PYCARD: variants seen among roughly 807,000 people sequenced by gnomAD.
PYCARD encodes apoptosis-associated speck-like protein containing a CARD.
PYCARD carries 10 observed loss-of-function variants against 10.0 expected under a neutral mutation model. The observed-to-expected ratio is 1.00, with a 90% confidence interval of 0.62 to 1.69. PYCARD has a LOEUF of 1.69. PYCARD is among the 40% of genes most tolerant of loss of function. PYCARD has a pLI of 0.00. For missense variants in PYCARD, 239 were observed against 260.2 expected, an observed-to-expected ratio of 0.92 and a Z score of 0.56; for synonymous variants, 121 against 122.3, an observed-to-expected ratio of 0.99 and a Z score of 0.07.
Position 31,202,218 on chromosome 16 carries a change from G to C in PYCARD, c.275-15C>G. The C allele has an allele frequency of 6.2e-7, 1 of 1,602,022 alleles. No individual in the cohort carries two copies. The stretch of plus-strand genomic sequence containing the variant: ...GGCTCCAGAGCCTGGAAGGATATGG[G>C]CCAAGTGATCCCCTTCCCTTCCCTT... On this transcript the variant is annotated splice_polypyrimidine_tract_variant and intron_variant, in intron 1 of 2. Coordinates refer to ENST00000247470, the MANE Select transcript of PYCARD (RefSeq NM_013258.5). The surrounding 1 kb of genome is among the most constrained non-coding windows in gnomAD (Gnocchi z 4.5).
rs978878743 is a variant in PYCARD, at chr16:31,202,362, G to T, written c.274+55C>A. ...GAAAGCGGAAGAGCCCGCGGGGTAA[G>T]CGCTGGTGTGGGTGGAGGGGAAAGA... is the stretch of plus-strand genomic sequence containing the variant. On this transcript the variant is annotated intron_variant, in intron 1 of 2. Transcript: ENST00000247470. The surrounding 1 kb of genome is among the most constrained non-coding windows in gnomAD (Gnocchi z 4.5). The T allele has an allele frequency of 7.8e-6, 12 of 1,530,276 alleles. No individual in the cohort carries two copies. The Admixed American group carries it at 1.4e-4, about 18-fold the overall frequency. The allele number at this position is 1,530,276 out of a possible 1,614,324, so 94.8% of individuals were successfully genotyped here.
rs752560869 is a variant in PYCARD at position 31,201,648 on chromosome 16, G to C, written c.525C>G (p.Asp175Glu). 4 of 1,614,112 alleles carry C rather than the reference G, an allele frequency of 2.5e-6. No homozygotes were observed. The East Asian group carries it at 6.7e-5, about 27-fold the overall frequency. Reference sequence around the variant, plus strand: ...ACTCCCTTAGGGCCTGGAGGAGCAAGTCCTTGCAGGTCCAGTTCCAGGCTG... The same window carrying C: ...ACTCCCTTAGGGCCTGGAGGAGCAACTCCTTGCAGGTCCAGTTCCAGGCTG... ...FTPAWNWTCK[D>E]LLLQALRESQ... The change falls in exon 3 of 3, where the codon GAC becomes GAG. Residue 175 changes from aspartate (D) to glutamate (E), a missense_variant. By Grantham distance (45) the Asp-to-Glu change is conservative (BLOSUM62 2). Transcript: ENST00000247470.
chr16:31,202,679 C>A lies in PYCARD; in HGVS notation c.12G>T (p.Ala4=). The part of the protein sequence containing the change: MGR[A]RDAILDALEN... ...CCAGCGCATCCAGGATGGCGTCGCG[C>A]GCGCGCCCCATGGCTCCAGGATCCC... Residue 4 remains alanine, a synonymous_variant, in exon 1 of 3, where the codon GCG becomes GCT. Coordinates refer to ENST00000247470, the MANE Select transcript of PYCARD (RefSeq NM_013258.5). This position sits in a 1 kb window ranked among gnomAD's most constrained non-coding sequence, Gnocchi z 4.5. The A allele has an allele frequency of 6.3e-7, 1 of 1,582,564 alleles. No homozygotes were observed. Among genetic ancestry groups the A allele is most frequent in the Non-Finnish European group, 8.6e-7 (1 of 1,162,614 alleles).
rs1345817229 is a variant in PYCARD at position 31,201,818 on chromosome 16, G to A, written c.355C>T (p.Arg119Trp). ...GTGACCCTCGCGATAAGCGCAGCCC[G>A]GTGCTGGTCTATAAAGTGCAGGCCT... Reference protein sequence around the residue: ...KPGLHFIDQHRAALIARVTNV... With the variant: ...KPGLHFIDQHWAALIARVTNV... Residue 119 changes from arginine to tryptophan, a missense_variant, in exon 3 of 3, where the codon CGG becomes TGG. Physicochemically the swap from Arg to Trp is moderately radical, Grantham distance 101. Coordinates refer to ENST00000247470, the MANE Select transcript of PYCARD (RefSeq NM_013258.5). 6 of 1,614,040 alleles carry A rather than the reference G, an allele frequency of 3.7e-6. No individual in the cohort carries two copies. The highest frequency in any genetic ancestry group is 1.3e-5 in the African/African-American group (1 of 74,942).
chr16:31,201,814 G>C lies in PYCARD; in HGVS notation c.359C>G (p.Ala120Gly). 1 of 1,614,182 alleles carries C rather than the reference G, an allele frequency of 6.2e-7. No individual in the cohort carries two copies. The highest frequency in any genetic ancestry group is 8.5e-7 in the Non-Finnish European group (1 of 1,180,044). The change falls in exon 3 of 3, where the codon GCT becomes GGT. Residue 120 changes from alanine to glycine, a missense_variant. By Grantham distance (60) the Ala-to-Gly change is moderately conservative. Transcript: ENST00000247470. ...PGLHFIDQHRAALIARVTNVE... is the reference protein window; with the variant it reads ...PGLHFIDQHRGALIARVTNVE... Reference sequence around the variant, plus strand: ...GTTTGTGACCCTCGCGATAAGCGCAGCCCGGTGCTGGTCTATAAAGTGCAG... The same window carrying C: ...GTTTGTGACCCTCGCGATAAGCGCACCCCGGTGCTGGTCTATAAAGTGCAG...
rs780625076 is a variant in PYCARD at position 31,201,841 on chromosome 16, C to T, written c.332G>A (p.Gly111Asp). ...CCGGTGCTGGTCTATAAAGTGCAGG[C>T]CTGGGGGTGGGAGGAGAACATGAGC... is the stretch of plus-strand genomic sequence containing the variant. ...QAPPQSAAKPGLHFIDQHRAA... is the reference protein window; with the variant it reads ...QAPPQSAAKPDLHFIDQHRAA... Residue 111 changes from glycine (G) to aspartate (D), a missense_variant and splice_region_variant, in exon 3 of 3, where the codon GGC becomes GAC. Gly to Asp is a moderately conservative substitution (Grantham distance 94). Coordinates refer to ENST00000247470, the MANE Select transcript of PYCARD (RefSeq NM_013258.5). The T allele has an allele frequency of 1.4e-5, 22 of 1,613,390 alleles. No individual in the cohort carries two copies. Among genetic ancestry groups the T allele is most frequent in the Middle Eastern group, 1.6e-4 (1 of 6,064 alleles).
chr16:31,202,204 C>A lies in PYCARD; in HGVS notation c.275-1G>T. On this transcript the variant is annotated splice_acceptor_variant, in intron 1 of 2. Transcript: ENST00000247470. LOFTEE classifies it high-confidence loss of function. The surrounding 1 kb of genome is among the most constrained non-coding windows in gnomAD (Gnocchi z 4.5). ...ATCCCAGCTGGCGCGGCTCCAGAGC[C>A]TGGAAGGATATGGGCCAAGTGATCC... 2 of 1,603,754 alleles carry A rather than the reference C, an allele frequency of 1.2e-6. No homozygotes were observed. Among genetic ancestry groups the A allele is most frequent in the Non-Finnish European group, 1.7e-6 (2 of 1,179,782 alleles).
intron 2 of PYCARD, 63 bp from the exon 3 acceptor site, chr16:31,201,904 G>A: frequency 1.9e-6 from 3 of 1,592,948 alleles, no homozygotes; most frequent in South Asian, 2.2e-5. Flanking sequence ...TGCTGAACTT[G>A]AGTTCTTCAG....
chr16:31,202,490 C>T lies in PYCARD; in HGVS notation c.201G>A (p.Glu67=). The T allele has an allele frequency of 6.3e-7, 1 of 1,597,520 alleles. No homozygotes were observed. Among genetic ancestry groups the T allele is most frequent in the Non-Finnish European group, 8.5e-7 (1 of 1,173,094 alleles). The change falls in exon 1 of 3, where the codon GAG becomes GAA. Residue 67 remains glutamate (E), a synonymous_variant. Coordinates refer to ENST00000247470, the MANE Select transcript of PYCARD (RefSeq NM_013258.5). This position sits in a 1 kb window ranked among gnomAD's most constrained non-coding sequence, Gnocchi z 4.5. ...VSFYLETYGA[E]LTANVLRDMG... Reference sequence around the variant, plus strand: ...TGTCGCGCAGCACGTTAGCGGTGAGCTCGGCGCCGTAGGTCTCCAGGTAGA... The same window carrying T: ...TGTCGCGCAGCACGTTAGCGGTGAGTTCGGCGCCGTAGGTCTCCAGGTAGA...
Position 31,202,607 on chromosome 16 carries a change from C to T in PYCARD, c.84G>A (p.Leu28=), listed in dbSNP as rs2079452559. 1 of 1,612,862 alleles carries T rather than the reference C, an allele frequency of 6.2e-7. No individual in the cohort carries two copies. The highest frequency in any genetic ancestry group is 8.5e-7 in the Non-Finnish European group (1 of 1,179,656). Residue 28 remains leucine (L), a synonymous_variant, in exon 1 of 3, where the codon CTG becomes CTA. Transcript: ENST00000247470. The surrounding 1 kb of genome is among the most constrained non-coding windows in gnomAD (Gnocchi z 4.5). ...EELKKFKLKL[L]SVPLREGYGR... ...CGTAGCCCTCGCGCAGCGGCACCGA[C>T]AGCAGCTTCAGCTTGAACTTCTTGA...
Position 31,202,389 on chromosome 16 carries a change from G to A in PYCARD, c.274+28C>T. The A allele has an allele frequency of 3.3e-6, 5 of 1,525,568 alleles. No homozygotes were observed. The highest frequency in any genetic ancestry group is 3.5e-6 in the Non-Finnish European group (4 of 1,137,566). 94.5% of individuals were successfully genotyped at this position (1,525,568 alleles called of 1,614,324 possible). On this transcript the variant is annotated intron_variant, in intron 1 of 2. Coordinates refer to ENST00000247470, the MANE Select transcript of PYCARD (RefSeq NM_013258.5). The surrounding 1 kb of genome is among the most constrained non-coding windows in gnomAD (Gnocchi z 4.5). ...GCTGGTGTGGGTGGAGGGGAAAGAC[G>A]GGGTGGAGGGGAACGGGGGCGGCTC...
Position 31,202,508 on chromosome 16 carries a change from C to T in PYCARD, c.183G>A (p.Leu61=), listed in dbSNP as rs764567399. The T allele has an allele frequency of 9.3e-6, 15 of 1,608,538 alleles. No individual in the cohort carries two copies. Among genetic ancestry groups the T allele is most frequent in the Middle Eastern group, 1.6e-4 (1 of 6,080 alleles). ...CGGTGAGCTCGGCGCCGTAGGTCTCCAGGTAGAAGCTGACCAGCTTGTCGG... is the reference window on the plus strand; with the variant it reads ...CGGTGAGCTCGGCGCCGTAGGTCTCTAGGTAGAAGCTGACCAGCTTGTCGG... ...DLTDKLVSFY[L]ETYGAELTAN... The change falls in exon 1 of 3, where the codon CTG becomes CTA. Residue 61 remains leucine, a synonymous_variant. Transcript: ENST00000247470. The surrounding 1 kb of genome is among the most constrained non-coding windows in gnomAD (Gnocchi z 4.5).
chr16:31,202,048 A>C lies in PYCARD; in HGVS notation c.331+99T>G, dbSNP rs2079446846. On this transcript the variant is annotated intron_variant, in intron 2 of 2. Transcript: ENST00000247470. This position sits in a 1 kb window ranked among gnomAD's most constrained non-coding sequence, Gnocchi z 4.5. ...GGTGGGTGGGGTGCGCAGGGTTGCC[A>C]AGCCGTGCCTGCCCTGCCCTGCCCT... 2.7e-6 allele frequency: 4 copies of C among 1,497,486 alleles called. No individual in the cohort carries two copies. In the East Asian group the frequency reaches 9.7e-5, roughly 36 times the overall value. 92.8% of individuals were successfully genotyped at this position (1,497,486 alleles called of 1,614,324 possible).
chr16:31,201,842 C>CT lies in PYCARD; in HGVS notation c.332-2dup. The CT allele has an allele frequency of 1.2e-6, 2 of 1,613,472 alleles. No homozygotes were observed. Among genetic ancestry groups the CT allele is most frequent in the Non-Finnish European group, 1.7e-6 (2 of 1,179,702 alleles). On this transcript the variant is annotated splice_acceptor_variant, in intron 2 of 2. Coordinates refer to ENST00000247470, the MANE Select transcript of PYCARD (RefSeq NM_013258.5). LOFTEE classifies it high-confidence loss of function. ...CGGTGCTGGTCTATAAAGTGCAGGC[C>CT]TGGGGGTGGGAGGAGAACATGAGCC...
chr16:31,202,254 G>A lies in PYCARD; in HGVS notation c.275-51C>T, dbSNP rs1567488153. The A allele has an allele frequency of 6.3e-7, 1 of 1,589,694 alleles. No individual in the cohort carries two copies. The highest frequency in any genetic ancestry group is 8.5e-7 in the Non-Finnish European group (1 of 1,174,958). Reference sequence around the variant, plus strand: ...CCCTTCCCTTCCCTTCCCGCCGTGGGGCCGGGGTCCCGTTGGTCGGTAGGC... The same window carrying A: ...CCCTTCCCTTCCCTTCCCGCCGTGGAGCCGGGGTCCCGTTGGTCGGTAGGC... On this transcript the variant is annotated intron_variant, in intron 1 of 2. Coordinates refer to ENST00000247470, the MANE Select transcript of PYCARD (RefSeq NM_013258.5). This position sits in a 1 kb window ranked among gnomAD's most constrained non-coding sequence, Gnocchi z 4.5.
intron 2 of PYCARD, 44 bp from the exon 3 acceptor site, chr16:31,201,885 G>A: frequency 6.2e-7 from 1 of 1,604,014 alleles, no homozygotes; most frequent in Non-Finnish European, 8.5e-7. Context: ...AGGGTGTGGG[G>A]CCTGTCCCTG....
Position 31,202,019 on chromosome 16 carries a change from G to T in PYCARD, c.331+128C>A. ...TGTCTCCCTTCCCCCGCAGGGTGTG[G>T]GTTGGTGGGTGGGGTGCGCAGGGTT... is the stretch of plus-strand genomic sequence containing the variant. On this transcript the variant is annotated intron_variant, in intron 2 of 2. Transcript: ENST00000247470. The surrounding 1 kb of genome is among the most constrained non-coding windows in gnomAD (Gnocchi z 4.5). 1 of 1,457,766 alleles carries T rather than the reference G, an allele frequency of 6.9e-7. No homozygotes were observed. The highest frequency in any genetic ancestry group is 9.2e-7 in the Non-Finnish European group (1 of 1,092,500). 90.3% of individuals were successfully genotyped at this position (1,457,766 alleles called of 1,614,324 possible). A position where few individuals can be genotyped will look rare whatever the true frequency, so the allele number is the denominator to read the frequency against.
chr16:31,202,192 C>T lies in PYCARD; in HGVS notation c.286G>A (p.Ala96Thr), dbSNP rs778061538. Residue 96 changes from alanine to threonine, a missense_variant, in exon 2 of 3, where the codon GCG becomes ACG. Transcript: ENST00000247470. This position sits in a 1 kb window ranked among gnomAD's most constrained non-coding sequence, Gnocchi z 4.5. ...GGAGGGGCCTGGATCCCAGCTGGCGCGGCTCCAGAGCCTGGAAGGATATGG... is the reference window on the plus strand; with the variant it reads ...GGAGGGGCCTGGATCCCAGCTGGCGTGGCTCCAGAGCCTGGAAGGATATGG... ...QAATHQGSGA[A>T]PAGIQAPPQS... The T allele has an allele frequency of 6.2e-7, 1 of 1,604,990 alleles. No individual in the cohort carries two copies. The highest frequency in any genetic ancestry group is 8.5e-7 in the Non-Finnish European group (1 of 1,179,780).
At position 31,202,334 on chromosome 16, in the gene PYCARD, A is replaced by G; in HGVS notation, c.274+83T>C. 4.6e-6 allele frequency: 7 copies of G among 1,533,438 alleles called. No homozygotes were observed. Among genetic ancestry groups the G allele is most frequent in the Non-Finnish European group, 6.1e-6 (7 of 1,143,630 alleles). 95.0% of individuals were successfully genotyped at this position (1,533,438 alleles called of 1,614,324 possible). On this transcript the variant is annotated intron_variant, in intron 1 of 2. Transcript: ENST00000247470. This position sits in a 1 kb window ranked among gnomAD's most constrained non-coding sequence, Gnocchi z 4.5. Reference sequence around the variant, plus strand: ...GCAGCTTTGTTTAGGGGTAGGAGGAACAGAAAGCGGAAGAGCCCGCGGGGT... The same window carrying G: ...GCAGCTTTGTTTAGGGGTAGGAGGAGCAGAAAGCGGAAGAGCCCGCGGGGT...
Sources: gnomAD v4.1 joint callset for allele counts on GRCh38, gnomAD v4.1.1 for gene constraint, Gnocchi (gnomAD v3.1) non-coding constraint, MANE v1.5 for transcripts, NCBI Gene and HGNC (gene_info 2026-07-23, HGNC 2026-07-21) for gene names.